Variants in FAM120B observed in about 807,000 individuals in gnomAD.
FAM120B encodes family with sequence similarity 120 member B, also known as constitutive coactivator of peroxisome proliferator-activated receptor gamma.
FAM120B carries 83 observed loss-of-function variants against 96.3 expected under a neutral mutation model. That is an observed-to-expected ratio of 0.86 (90% CI 0.72 to 1.03). The LOEUF is 1.03. Ranked by LOEUF, FAM120B falls within the 50% of genes least tolerant of loss-of-function variation. The probability of loss-of-function intolerance (pLI) is 0.00; values close to 1 mark genes in which losing one functional copy is unlikely to be tolerated. For synonymous variants in FAM120B, 407 were observed against 402.7 expected, an observed-to-expected ratio of 1.01 and a Z score of -0.13; for missense variants, 1,027 against 1,121.2, an observed-to-expected ratio of 0.92 and a Z score of 1.20.
intron 6 of FAM120B, among the ~76,000 whole-genome samples, chr6:170,364,661 C>T (rs1788661460): frequency 6.6e-6 from 1 of 152,186 alleles, no homozygotes; most frequent in Admixed American, 6.5e-5. Flanking sequence ...CCCTCTGACA[C>T]CTCTCTCTGG....
At chr6:170,338,824 G>C (rs1786614835) in intron 4 of FAM120B, among the ~76,000 whole-genome samples, 1 of 147,162 alleles carries the variant, frequency 6.8e-6, no homozygotes, top group African/African-American at 2.5e-5. Flanking sequence ...TGTAGTATTA[G>C]AGACTAGCAT....
chr6:170,353,663 C>T (rs188496831), intron 5 of FAM120B, among the ~76,000 whole-genome samples: 2 of 152,228 alleles, frequency 1.3e-5, no homozygotes, highest in East Asian at 3.9e-4. Context: ...AATAAACTCC[C>T]ATTCACAATT....
chr6:170,342,532 G>A (rs1482625221), intron 4 of FAM120B, among the ~76,000 whole-genome samples: 1 of 152,188 alleles, frequency 6.6e-6, no homozygotes, highest in Non-Finnish European at 1.5e-5. Context: ...CAGCAATGGG[G>A]CACTCAGGAG....
intron 1 of FAM120B, among the ~76,000 whole-genome samples, chr6:170,310,860 TG>T (rs1222523931): frequency 6.6e-6 from 1 of 152,250 alleles, no homozygotes; most frequent in Non-Finnish European, 1.5e-5. Flanking sequence ...TGGTCTTAGC[TG>T]GGGATCTTGT....
At chr6:170,292,069 C>T (rs1783891374), upstream of FAM120B, among the ~76,000 whole-genome samples, 1 of 152,156 alleles carries the variant, frequency 6.6e-6, no homozygotes. The surrounding 1 kb of genome is among the most constrained non-coding windows in gnomAD (Gnocchi z 6.6). Context: ...CACCTGCTCC[C>T]CGCACAATGC....
At chr6:170,325,306 T>A (rs1785519874) in intron 3 of FAM120B, among the ~76,000 whole-genome samples, 1 of 152,192 alleles carries the variant, frequency 6.6e-6, no homozygotes, top group Non-Finnish European at 1.5e-5. Context: ...TTTCTTAACA[T>A]CTAAAGTGCA....
At chr6:170,404,287 G>A (rs28482868) in intron 9 of FAM120B, 12 of 410,994 alleles carry the variant, frequency 2.9e-5, no homozygotes, top group South Asian at 2.7e-4. Context: ...TAGAAATCAC[G>A]CAGATGGATG....
chr6:170,338,292 A>C (rs1786575423), intron 4 of FAM120B, among the ~76,000 whole-genome samples: 1 of 152,188 alleles, frequency 6.6e-6, no homozygotes, highest in African/African-American at 2.4e-5. Flanking sequence ...TTATTTACCC[A>C]GTAGTCATTC....
At chr6:170,384,673 A>G (rs74777045) in intron 6 of FAM120B, among the ~76,000 whole-genome samples, 2,354 of 152,362 alleles carry the variant, frequency 0.015, 74 homozygotes, top group African/African-American at 0.054. Context: ...CGAAGCAGAC[A>G]TATCTGTAAT....
chr6:170,329,487 G>C (rs1785851897), intron 3 of FAM120B, among the ~76,000 whole-genome samples: 1 of 152,174 alleles, frequency 6.6e-6, no homozygotes, highest in African/African-American at 2.4e-5. Flanking sequence ...CCTGCTCAGT[G>C]GCTCTGCTCG....
At chr6:170,338,192 A>T (rs928010107) in intron 4 of FAM120B, among the ~76,000 whole-genome samples, 15 of 152,202 alleles carry the variant, frequency 9.9e-5, no homozygotes, top group Non-Finnish European at 2.1e-4. Context: ...CCATCTTAAC[A>T]CTGCTTTAGC....
intron 6 of FAM120B, among the ~76,000 whole-genome samples, chr6:170,361,258 G>GTATATATATACGTA (rs1276422955): frequency 1.8e-5 from 2 of 112,074 alleles, no homozygotes; most frequent in African/African-American, 7.0e-5. Flanking sequence ...ATATATACGT[G>GTATATATATACGTA]TATATATATA....
intron 9 of FAM120B, among the ~76,000 whole-genome samples, chr6:170,400,521 C>T (rs189405146): frequency 1.3e-5 from 2 of 152,236 alleles, no homozygotes; most frequent in African/African-American, 4.8e-5. Flanking sequence ...CTGCCCCTTC[C>T]CAGTGGCCTG....
chr6:170,318,763 G>C lies in FAM120B; in HGVS notation c.1373G>C (p.Arg458Thr). Reference protein sequence around the residue: ...EVPMYTGSEPRQEVPMYTGPE... With the variant: ...EVPMYTGSEPTQEVPMYTGPE... ...CCCATGTATACAGGCTCTGAACCCA[G>C]GCAAGAAGTTCCCATGTATACAGGC... The change falls in exon 2 of 11, where the codon AGG becomes ACG. Residue 458 changes from arginine to threonine, a missense_variant. By Grantham distance (71) the Arg-to-Thr change is moderately conservative. Transcript: ENST00000476287. The C allele has an allele frequency of 6.2e-7, 1 of 1,613,060 alleles. No individual in the cohort carries two copies. Among genetic ancestry groups the C allele is most frequent in the Non-Finnish European group, 8.5e-7 (1 of 1,179,710 alleles).
At chr6:170,340,435 C>T (rs1044736932) in intron 4 of FAM120B, among the ~76,000 whole-genome samples, 1 of 152,212 alleles carries the variant, frequency 6.6e-6, no homozygotes, top group African/African-American at 2.4e-5. Context: ...TGGGTTAGAA[C>T]ATGCTCCTTT....
Position 170,318,790 on chromosome 6 carries a change from C to T in FAM120B, c.1400C>T (p.Pro467Leu), listed in dbSNP as rs1785101458. 1 of 1,613,326 alleles carries T rather than the reference C, an allele frequency of 6.2e-7. No individual in the cohort carries two copies. Among genetic ancestry groups the T allele is most frequent in the Middle Eastern group, 1.7e-4 (1 of 6,044 alleles). The change falls in exon 2 of 11, where the codon CCT (proline) becomes CTT (leucine). Residue 467 changes from proline to leucine, a missense_variant. Pro to Leu is a moderately conservative substitution (Grantham distance 98). This residue lies in a region of FAM120B where 880 missense variants were observed against 980.9 expected (regional missense o/e 0.90). Coordinates refer to ENST00000476287, the MANE Select transcript of FAM120B (RefSeq NM_032448.3). The stretch of plus-strand genomic sequence containing the variant: ...CAAGAAGTTCCCATGTATACAGGCC[C>T]TGAATCCAGGCAAGAAGTTCCCATG... Reference protein sequence around the residue: ...PRQEVPMYTGPESRQEVPMYT... With the variant: ...PRQEVPMYTGLESRQEVPMYT...
chr6:170,344,752 T>C (rs1023233966), intron 4 of FAM120B, among the ~76,000 whole-genome samples: 1 of 152,112 alleles, frequency 6.6e-6, no homozygotes, highest in African/African-American at 2.4e-5. Context: ...CCCTTTACAT[T>C]CCCCCAGTCA....
At chr6:170,349,683 A>G (rs1236549396) in intron 5 of FAM120B, among the ~76,000 whole-genome samples, 1 of 152,236 alleles carries the variant, frequency 6.6e-6, no homozygotes, top group African/African-American at 2.4e-5. Flanking sequence ...GGCAGGAACT[A>G]TTTAAAATGT....
chr6:170,401,148 A>T (rs778411680), intron 9 of FAM120B, among the ~76,000 whole-genome samples: 7 of 152,198 alleles, frequency 4.6e-5, no homozygotes, highest in Non-Finnish European at 1.0e-4. Context: ...GCCAGGGGAA[A>T]GTCTCACTCT....
Sources: allele counts gnomAD v4.1 joint callset (sites outside exome capture counted in the v4.1 genomes callset), GRCh38; gene constraint gnomAD v4.1.1; regional missense constraint gnomAD v4.1.1; non-coding constraint Gnocchi (gnomAD v3.1); transcripts MANE v1.5; gene names NCBI Gene and HGNC (gene_info 2026-07-23, HGNC 2026-07-21).